Variants in RP1L1 observed in about 807,000 individuals in gnomAD.
RP1L1 encodes the protein RP1 like 1, also known as retinitis pigmentosa 1-like 1 protein.
RP1L1 carries 27 observed loss-of-function variants against 15.7 expected under a neutral mutation model. The observed-to-expected ratio is 1.72, with a 90% CI of 1.27 to 2.38. The LOEUF (loss-of-function observed/expected upper bound fraction) is 2.38, where lower values mean the gene tolerates loss of function less well. Ranked by LOEUF, RP1L1 falls within the 30% of genes most tolerant of loss-of-function variation. The pLI is 0.00. For missense variants in RP1L1, 4,798 were observed against 3,075.9 expected (o/e 1.56, Z -13.24); for synonymous variants, 1,813 against 1,276.7 (o/e 1.42, Z -8.96).
At chr8:10,650,029 G>A (rs188468302) in intron 1 of RP1L1, among the ~76,000 whole-genome samples, 5 of 152,270 alleles carry the variant, frequency 3.3e-5, no homozygotes, top group African/African-American at 1.2e-4. Flanking sequence ...TGTAGGGCAC[G>A]TGATCCAACC....
rs756974342 is a variant in RP1L1 at position 10,612,460 on chromosome 8, G to T, written c.1638C>A (p.Ser546Arg). 6.2e-6 allele frequency: 10 copies of T among 1,612,482 alleles called. No homozygotes were observed. The highest frequency in any genetic ancestry group is 5.0e-5 in the Admixed American group (3 of 60,010). The change falls in exon 4 of 4, where the codon AGC (serine) becomes AGA (arginine). Residue 546 changes from serine (S) to arginine (R), a missense_variant. Physicochemically the swap from Ser to Arg is moderately radical, Grantham distance 110 (BLOSUM62 -1). Transcript: ENST00000382483. Reference protein sequence around the residue: ...SASTGSHEGSSEWGGRPQGCP... With the variant: ...SASTGSHEGSREWGGRPQGCP... ...AGCCCTGGGGCCGCCCACCCCATTC[G>T]CTGGATCCCTCATGAGAGCCGGTGC... is the stretch of plus-strand genomic sequence containing the variant.
chr8:10,646,526 C>A (rs1490345943), intron 1 of RP1L1, among the ~76,000 whole-genome samples: 1 of 152,166 alleles, frequency 6.6e-6, no homozygotes, highest in East Asian at 1.9e-4. Flanking sequence ...TAGAAACACC[C>A]AGGGAATTCC....
chr8:10,633,721 C>T (rs548034510), intron 1 of RP1L1, among the ~76,000 whole-genome samples: 3 of 152,244 alleles, frequency 2.0e-5, no homozygotes, highest in East Asian at 3.9e-4. Flanking sequence ...TGCCCTGGAA[C>T]GTTCTCCAGA....
intron 1 of RP1L1, among the ~76,000 whole-genome samples, chr8:10,625,045 T>C (rs1798134853): frequency 6.6e-6 from 1 of 152,184 alleles, no homozygotes; most frequent in Admixed American, 6.5e-5. Flanking sequence ...ACTGCATTCC[T>C]ACATTCCAGA....
In RP1L1 at chr8:10,612,904, G is replaced by C. The variant is rs368122675; in HGVS notation, c.1194C>G (p.Gly398=). The change falls in exon 4 of 4, where the codon GGC becomes GGG. Residue 398 remains glycine (G), a synonymous_variant. Coordinates refer to ENST00000382483, the MANE Select transcript of RP1L1 (RefSeq NM_178857.6). ...TTTCATACTTGGGCCCTGGCTGCCCGCCTCGGCCAAAGACTTCCCTGCATC... is the reference window on the plus strand; with the variant it reads ...TTTCATACTTGGGCCCTGGCTGCCCCCCTCGGCCAAAGACTTCCCTGCATC... ...RVGCREVFGR[G]GQPGPKYEIW... 2 of 1,612,684 alleles carry C rather than the reference G, an allele frequency of 1.2e-6. No individual in the cohort carries two copies. The highest frequency in any genetic ancestry group is 1.3e-5 in the African/African-American group (1 of 74,934).
At chr8:10,634,591 G>T (rs1243963710) in intron 1 of RP1L1, among the ~76,000 whole-genome samples, 2 of 152,164 alleles carry the variant, frequency 1.3e-5, no homozygotes, top group African/African-American at 4.8e-5. Context: ...CATTGTTGAG[G>T]CACTGCCTAC....
rs942687332 is a variant in RP1L1, at chr8:10,622,922, C to G, written c.280G>C (p.Glu94Gln). 9 of 1,613,852 alleles carry G rather than the reference C, an allele frequency of 5.6e-6. No homozygotes were observed. In the African/African-American group the frequency reaches 9.3e-5, roughly 17 times the overall value. The change falls in exon 2 of 4, where the codon GAG (glutamate) becomes CAG (glutamine). Residue 94 changes from glutamate to glutamine, a missense_variant. Physicochemically the swap from Glu to Gln is conservative, Grantham distance 29 (BLOSUM62 2). Transcript: ENST00000382483. ...TAGCAGCCTCCATCTTCCAGCTGCT[C>G]CAGGGCGCTGAGGCTATGCAGGCCC... Reference protein sequence around the residue: ...PRGLHSLSALEQLEDGGCYLC... With the variant: ...PRGLHSLSALQQLEDGGCYLC...
In RP1L1 at chr8:10,610,641, T is replaced by A. The variant is rs148203843; in HGVS notation, c.3457A>T (p.Ile1153Phe). ...CATCCTGGCCACAGGTCCTTCGAGA[T>A]GCTGAGCAGCTCCTGGTACCGAGGG... ...DSPRYQELLS[I>F]SKDLWPGCDV... Residue 1153 changes from isoleucine to phenylalanine, a missense_variant, in exon 4 of 4, where the codon ATC becomes TTC. Coordinates refer to ENST00000382483, the MANE Select transcript of RP1L1 (RefSeq NM_178857.6). 14 of 1,612,442 alleles carry A rather than the reference T, an allele frequency of 8.7e-6. No individual in the cohort carries two copies. In the South Asian group the frequency reaches 1.5e-4, roughly 18 times the overall value.
In RP1L1 at chr8:10,610,055, CCTT is replaced by C. The variant is rs1797803288; in HGVS notation, c.4040_4042del (p.Glu1347del). On this transcript the variant is annotated inframe_deletion, in exon 4 of 4. Transcript: ENST00000382483. ...TAACTGCGCCTCTTCTTCTTGCTGT[CCTT>C]CTCCTTCTGTTTCTTTAGTTTCCTC... 8.0e-7 allele frequency: 1 copy of C among 1,246,776 alleles called. No individual in the cohort carries two copies. The highest frequency in any genetic ancestry group is 1.0e-6 in the Non-Finnish European group (1 of 976,180). The allele number at this position is 1,246,776 out of a possible 1,614,324, so 77.2% of individuals were successfully genotyped here.
intron 1 of RP1L1, among the ~76,000 whole-genome samples, chr8:10,627,771 G>T (rs1798181063): frequency 6.6e-6 from 1 of 152,170 alleles, no homozygotes; most frequent in African/African-American, 2.4e-5. Context: ...AGAGTTTAGG[G>T]AAACATCACA....
intron 3 of RP1L1, among the ~76,000 whole-genome samples, chr8:10,615,128 T>C (rs4382429): frequency 0.16 from 25,065 of 152,088 alleles, 2,412 homozygotes; most frequent in East Asian, 0.46. Context: ...TAAACTGTCC[T>C]TGTGCCTCCA....
chr8:10,622,818 C>T lies in RP1L1; in HGVS notation c.384G>A (p.Gln128=). The change falls in exon 2 of 4, where the codon CAG becomes CAA. Residue 128 remains glutamine, a synonymous_variant. Coordinates refer to ENST00000382483, the MANE Select transcript of RP1L1 (RefSeq NM_178857.6). ...CACGCTGGCCTTCGACATCCCGCAA[C>T]TGCTGAGCAGTGGGGTTTCTCTCCT... The part of the protein sequence containing the change: ...RPQERNPTAQ[Q]LRDVEGQREA... 1 of 1,613,722 alleles carries T rather than the reference C, an allele frequency of 6.2e-7. No individual in the cohort carries two copies. Among genetic ancestry groups the T allele is most frequent in the African/African-American group, 1.3e-5 (1 of 75,028 alleles).
rs2117200036 is a variant in RP1L1, at chr8:10,610,603, T to C, written c.3495A>G (p.Glu1165=). The C allele has an allele frequency of 6.2e-7, 1 of 1,613,548 alleles. No homozygotes were observed. Among genetic ancestry groups the C allele is most frequent in the Non-Finnish European group, 8.5e-7 (1 of 1,180,002 alleles). ...CCCAGAGGCCTGAGTCCAGCTGGTC[T>C]TCCCCAACGTCACATCCTGGCCACA... The part of the protein sequence containing the change: ...KDLWPGCDVG[E]DQLDSGLWEL... The change falls in exon 4 of 4, where the codon GAA becomes GAG. Residue 1165 remains glutamate (E), a synonymous_variant. Coordinates refer to ENST00000382483, the MANE Select transcript of RP1L1 (RefSeq NM_178857.6).
At chr8:10,630,958 G>C (rs895358092) in intron 1 of RP1L1, among the ~76,000 whole-genome samples, 1 of 152,174 alleles carries the variant, frequency 6.6e-6, no homozygotes, top group African/African-American at 2.4e-5. Flanking sequence ...CAGCAGAGTG[G>C]GGCTAAGGGA....
rs1585961350 is a variant in RP1L1 at position 10,609,262 on chromosome 8, G to A, written c.4836C>T (p.Gly1612=). The change falls in exon 4 of 4, where the codon GGC becomes GGT. Residue 1612 remains glycine, a synonymous_variant. Transcript: ENST00000382483. ...QTQQRRHRLR[G]LRNLSAFSER... ...CAGAGAAGGCCGAGAGGTTTCGCAGGCCCCGGAGACGGTGTCTGCGCTGCT... is the reference window on the plus strand; with the variant it reads ...CAGAGAAGGCCGAGAGGTTTCGCAGACCCCGGAGACGGTGTCTGCGCTGCT... The A allele has an allele frequency of 4.4e-6, 7 of 1,609,078 alleles. No individual in the cohort carries two copies. The highest frequency in any genetic ancestry group is 5.9e-6 in the Non-Finnish European group (7 of 1,179,676).
At chr8:10,645,713 G>T (rs1183918751) in intron 1 of RP1L1, among the ~76,000 whole-genome samples, 1 of 152,174 alleles carries the variant, frequency 6.6e-6, no homozygotes, top group Non-Finnish European at 1.5e-5. Context: ...TGGGCCTTCA[G>T]GTCCTCAACC....
chr8:10,649,045 C>G (rs950751879), intron 1 of RP1L1, among the ~76,000 whole-genome samples: 4 of 152,222 alleles, frequency 2.6e-5, no homozygotes, highest in Non-Finnish European at 5.9e-5. Flanking sequence ...AGCGCCATGC[C>G]TGAGCCCAGA....
chr8:10,621,379 T>A (rs971569590), intron 2 of RP1L1: 1 of 227,690 alleles, frequency 4.4e-6, no homozygotes, highest in Non-Finnish European at 8.7e-6. Context: ...CAGGCTGCAG[T>A]ACAGTGTATG....
chr8:10,623,697 G>A (rs1020459516), intron 1 of RP1L1, among the ~76,000 whole-genome samples: 4 of 150,794 alleles, frequency 2.7e-5, no homozygotes, highest in Non-Finnish European at 5.9e-5. Flanking sequence ...CATGTTCCCA[G>A]GACCTCCATG....
Sources: gnomAD v4.1 joint callset for allele counts (sites outside exome capture counted in the v4.1 genomes callset) on GRCh38, gnomAD v4.1.1 for gene constraint, MANE v1.5 for transcripts, NCBI Gene and HGNC (gene_info 2026-07-23, HGNC 2026-07-21) for gene names.